Variants in KAZN observed in about 807,000 individuals in gnomAD.
KAZN encodes kazrin.
A neutral mutation model predicts 87.4 loss-of-function variants in KAZN; 40 were observed. The ratio of observed to expected loss-of-function variants is 0.46; its 90% CI spans 0.36 to 0.60. The LOEUF (loss-of-function observed/expected upper bound fraction) is 0.60, where lower values mean the gene tolerates loss of function less well. Ranked by LOEUF, KAZN falls within the 20% of genes least tolerant of loss-of-function variation. KAZN has a pLI of 0.00. For missense variants in KAZN, 898 were observed against 1,073.9 expected, an observed-to-expected ratio of 0.84 and a Z score of 2.29; for synonymous variants, 466 against 458.3, an observed-to-expected ratio of 1.02 and a Z score of -0.22.
chr1:14,640,916 C>A (rs1680364264), intron 1 of KAZN, among the ~76,000 whole-genome samples: 1 of 152,222 alleles, frequency 6.6e-6, no homozygotes, highest in Non-Finnish European at 1.5e-5. Flanking sequence ...CTTCCACCAG[C>A]ACATCCCTGT....
intron 3 of KAZN, among the ~76,000 whole-genome samples, chr1:15,038,368 T>C (rs1359321794): frequency 6.6e-6 from 1 of 151,814 alleles, no homozygotes; most frequent in Non-Finnish European, 1.5e-5. Flanking sequence ...ATGTGATGGC[T>C]GCCTTCAGAG....
chr1:14,631,691 C>A (rs538059443), intron 1 of KAZN, among the ~76,000 whole-genome samples: 2 of 152,194 alleles, frequency 1.3e-5, no homozygotes, highest in Non-Finnish European at 2.9e-5. Context: ...GGAGAGAGGG[C>A]GGGAGCACAT....
chr1:14,496,425 G>A (rs1349818617), intron 2 of KAZN, among the ~76,000 whole-genome samples: 1 of 152,150 alleles, frequency 6.6e-6, no homozygotes, highest in Admixed American at 6.5e-5. Flanking sequence ...GATATTCATA[G>A]ACTCGTTAAC....
At chr1:14,868,103 A>G (rs1651728274) in intron 1 of KAZN, among the ~76,000 whole-genome samples, 1 of 139,796 alleles carries the variant, frequency 7.2e-6, no homozygotes, top group African/African-American at 2.5e-5. Flanking sequence ...TATCACATAC[A>G]CAGGCATTGC....
chr1:13,942,677 C>T (rs1212711110), intron 1 of KAZN, among the ~76,000 whole-genome samples: 1 of 150,172 alleles, frequency 6.7e-6, no homozygotes, highest in Non-Finnish European at 1.5e-5. Flanking sequence ...GGAAATAGGA[C>T]AAAACAACAA....
At chr1:14,781,050 C>T (rs555904859) in intron 1 of KAZN, among the ~76,000 whole-genome samples, 22 of 152,148 alleles carry the variant, frequency 1.4e-4, no homozygotes, top group Non-Finnish European at 2.2e-4. Context: ...TGGCCGGGCG[C>T]GGAGGATCAC....
chr1:14,863,297 G>A (rs1342640014), intron 1 of KAZN, among the ~76,000 whole-genome samples: 2 of 152,194 alleles, frequency 1.3e-5, no homozygotes, highest in Non-Finnish European at 2.9e-5. Flanking sequence ...TCCAAAGAGG[G>A]AGAGATTTAT....
intron 2 of KAZN, among the ~76,000 whole-genome samples, chr1:14,416,007 G>C (rs1222370505): frequency 6.6e-6 from 1 of 152,190 alleles, no homozygotes; most frequent in Non-Finnish European, 1.5e-5. Flanking sequence ...GCAGGAGATG[G>C]AAAATGCAGC....
At chr1:14,536,669 G>T (rs1432470595) in intron 2 of KAZN, among the ~76,000 whole-genome samples, 1 of 152,142 alleles carries the variant, frequency 6.6e-6, no homozygotes, top group African/African-American at 2.4e-5. Context: ...ACAACCTGAG[G>T]TCAGGAGTTC....
intron 1 of KAZN, among the ~76,000 whole-genome samples, chr1:14,640,385 T>C (rs12079312): frequency 0.2 from 30,770 of 152,024 alleles, 3,216 homozygotes; most frequent in South Asian, 0.29. Context: ...CTCTAACATG[T>C]TCCTGTCTTT....
chr1:14,652,783 A>G (rs1257605700), intron 1 of KAZN, among the ~76,000 whole-genome samples: 2 of 151,246 alleles, frequency 1.3e-5, no homozygotes, highest in African/African-American at 4.9e-5. Flanking sequence ...AAAACATTTC[A>G]TGCTTATGTG....
intron 1 of KAZN, among the ~76,000 whole-genome samples, chr1:14,813,054 G>A (rs1427373647): frequency 1.3e-5 from 2 of 152,120 alleles, no homozygotes; most frequent in African/African-American, 2.4e-5. Context: ...CTTGTACTTG[G>A]AGCTTATTCA....
chr1:14,171,050 T>C (rs899550875), intron 1 of KAZN, among the ~76,000 whole-genome samples: 1 of 152,180 alleles, frequency 6.6e-6, no homozygotes, highest in African/African-American at 2.4e-5. Context: ...CAAGGTGTGG[T>C]CTTTTGTGTC....
At chr1:14,434,396 A>T (rs961900267) in intron 2 of KAZN, among the ~76,000 whole-genome samples, 3 of 152,182 alleles carry the variant, frequency 2.0e-5, no homozygotes, top group African/African-American at 7.2e-5. Flanking sequence ...TTGGTAGTTT[A>T]ATGATGGGAA....
exon 1 of KAZN, chr1:13,893,002 C>G (rs561902750): frequency 6.6e-6 from 1 of 151,844 alleles, no homozygotes; most frequent in South Asian, 2.1e-4. Context: ...CGGAGCTGCA[C>G]CGCGCCCGTG....
intron 4 of KAZN, among the ~76,000 whole-genome samples, chr1:15,050,078 GA>G (rs1674158541): frequency 2.1e-5 from 3 of 141,904 alleles, no homozygotes; most frequent in Non-Finnish European, 3.0e-5. Context: ...GAGTAGAGTA[GA>G]GTACAGTAGA....
intron 1 of KAZN, among the ~76,000 whole-genome samples, chr1:14,015,375 G>A (rs1195138493): frequency 6.8e-6 from 1 of 147,558 alleles, no homozygotes; most frequent in African/African-American, 2.5e-5. Context: ...CATTCCCTCA[G>A]TGGACCTAGG....
intron 2 of KAZN, among the ~76,000 whole-genome samples, chr1:14,316,880 G>A (rs574567604): frequency 1.3e-5 from 2 of 151,560 alleles, no homozygotes; most frequent in African/African-American, 4.9e-5. Context: ...TAATTCCATA[G>A]TGGTGAAAAA....
chr1:14,596,816 T>A (rs2148589654), upstream of KAZN, among the ~76,000 whole-genome samples: 1 of 152,384 alleles, frequency 6.6e-6, no homozygotes, highest in Non-Finnish European at 1.5e-5. Context: ...CATTGCATAC[T>A]GCAATTTGTT....
Sources: gnomAD v4.1 joint callset for allele counts (sites outside exome capture counted in the v4.1 genomes callset) on GRCh38, gnomAD v4.1.1 for gene constraint, MANE v1.5 for transcripts, NCBI Gene and HGNC (gene_info 2026-07-23, HGNC 2026-07-21) for gene names.